Variants in ANXA5 observed in about 807,000 individuals in gnomAD.
ANXA5 encodes the protein CBP-I.
ANXA5 carries 40 observed loss-of-function variants against 48.1 expected under a neutral mutation model. The observed-to-expected ratio is 0.83, with a 90% CI of 0.65 to 1.08. The LOEUF (loss-of-function observed/expected upper bound fraction) is 1.08, where lower values mean the gene tolerates loss of function less well. Ranked by LOEUF, ANXA5 falls within the 50% of genes least tolerant of loss-of-function variation. ANXA5 has a pLI of 0.00. For synonymous variants in ANXA5, 113 were observed against 129.1 expected, an observed-to-expected ratio of 0.88 and a Z score of 0.85; for missense variants, 357 against 376.8, an observed-to-expected ratio of 0.95 and a Z score of 0.44.
At chr4:121,692,818 A>G (rs761417147) in intron 2 of ANXA5, among the ~76,000 whole-genome samples, 8 of 152,354 alleles carry the variant, frequency 5.3e-5, no homozygotes, top group Non-Finnish European at 1.2e-4. Context: ...CATCTATTAT[A>G]TCAATAAATC....
chr4:121,668,723 A>T (rs1724562523), intron 12 of ANXA5, among the ~76,000 whole-genome samples, 196 bp from the exon 13 acceptor site: 1 of 152,130 alleles, frequency 6.6e-6, no homozygotes, highest in Non-Finnish European at 1.5e-5. Flanking sequence ...TCCCTCTGGT[A>T]ACACAAAGAA....
At chr4:121,694,118 GGGAT>G (rs1725036299) in intron 2 of ANXA5, among the ~76,000 whole-genome samples, 5 of 104,452 alleles carry the variant, frequency 4.8e-5, no homozygotes, top group Admixed American at 2.0e-4. Context: ...GGAGGGGGGA[GGGAT>G]AGCATTAGGA....
intron 8 of ANXA5, among the ~76,000 whole-genome samples, chr4:121,673,976 G>A (rs1028293693): frequency 6.6e-6 from 1 of 151,684 alleles, no homozygotes; most frequent in African/African-American, 2.4e-5. Flanking sequence ...GAGCCCAGGA[G>A]TTCAAGACCA....
At chr4:121,687,631 T>C (rs922184203) in intron 2 of ANXA5, among the ~76,000 whole-genome samples, 1 of 152,156 alleles carries the variant, frequency 6.6e-6, no homozygotes, top group African/African-American at 2.4e-5. Flanking sequence ...ATAATACTAA[T>C]CAAATTTTAA....
intron 8 of ANXA5, among the ~76,000 whole-genome samples, chr4:121,674,426 A>G (rs1724664435): frequency 6.6e-6 from 1 of 152,170 alleles, no homozygotes; most frequent in South Asian, 2.1e-4. Flanking sequence ...TACTTCTGGT[A>G]TGTTTCTACA....
chr4:121,670,103 C>T (rs985357963), intron 10 of ANXA5, 91 bp from the exon 11 acceptor site: 3 of 887,706 alleles, frequency 3.4e-6, no homozygotes, highest in Non-Finnish European at 1.7e-6. Flanking sequence ...CTGCTTATAG[C>T]TCTACTTCTA....
chr4:121,686,044 T>TTA (rs1724883040), intron 3 of ANXA5, among the ~76,000 whole-genome samples: 1 of 151,396 alleles, frequency 6.6e-6, no homozygotes, highest in Non-Finnish European at 1.5e-5. Flanking sequence ...TTTTTTTTTT[T>TTA]AGCTCATCAG....
chr4:121,688,715 G>C (rs1030281153), intron 2 of ANXA5, among the ~76,000 whole-genome samples: 2 of 152,118 alleles, frequency 1.3e-5, no homozygotes, highest in African/African-American at 4.8e-5. Context: ...AAGTCAAGTG[G>C]TATGATCATG....
intron 2 of ANXA5, among the ~76,000 whole-genome samples, chr4:121,692,364 C>T (rs781503817): frequency 2.6e-5 from 4 of 152,190 alleles, no homozygotes; most frequent in Non-Finnish European, 4.4e-5. Flanking sequence ...CTTCCCTTGA[C>T]AAACACCAAT....
At position 121,684,691 on chromosome 4, in the gene ANXA5, T is replaced by G. The variant is rs370104706; in HGVS notation, c.175A>C (p.Thr59Pro). 2 of 1,613,616 alleles carry G rather than the reference T, an allele frequency of 1.2e-6. No homozygotes were observed. Among genetic ancestry groups the G allele is most frequent in the East Asian group, 4.5e-5 (2 of 44,888 alleles). The change falls in exon 4 of 13, where the codon ACT becomes CCT. Residue 59 changes from threonine to proline, a missense_variant. Thr to Pro is a conservative substitution (Grantham distance 38). Transcript: ENST00000296511. ...TGTGGTCTTACCCTGCCAAACAGAG[T>G]CTTAAAAGCTGCAGAGATTTCCTGG... ...QRQEISAAFK[T>P]LFGRDLLDDL...
At chr4:121,684,869 C>T (rs373696285) in intron 3 of ANXA5, 98 bp from the exon 4 acceptor site, 4 of 879,716 alleles carry the variant, frequency 4.5e-6, no homozygotes, top group South Asian at 1.4e-5. Context: ...TTCCTTGCCT[C>T]TCCCTATGCG....
At chr4:121,678,657 G>A (rs1724740956) in intron 6 of ANXA5, among the ~76,000 whole-genome samples, 163 bp from the exon 7 acceptor site, 1 of 152,160 alleles carries the variant, frequency 6.6e-6, no homozygotes, top group Non-Finnish European at 1.5e-5. Context: ...AATGCTTTCA[G>A]TGAGTGGTTG....
Position 121,693,934 on chromosome 4 carries a change from C to T in ANXA5, c.9+2647G>A, listed in dbSNP as rs114178296. 3.3e-3 allele frequency among the ~76,000 whole-genome samples: 502 copies of T among 152,292 alleles called. 2 individuals are homozygous for T. The highest frequency in any genetic ancestry group is 0.011 in the African/African-American group (477 of 41,554). On this transcript the variant is annotated intron_variant, in intron 2 of 12. Transcript: ENST00000296511. Reference sequence around the variant, plus strand: ...TTTATTTACATTTATCCTGCTTGCTCGGCACAGGGCTTTTTTAAATTATTA... The same window carrying T: ...TTTATTTACATTTATCCTGCTTGCTTGGCACAGGGCTTTTTTAAATTATTA...
intron 2 of ANXA5, 58 bp from the exon 3 acceptor site, chr4:121,686,430 AAC>A: frequency 7.7e-7 from 1 of 1,305,298 alleles, no homozygotes. Context: ...CAAAGTAAAT[AAC>A]ACAAACAGGA....
intron 6 of ANXA5, among the ~76,000 whole-genome samples, chr4:121,678,804 A>G (rs1024663637): frequency 4.6e-5 from 7 of 152,202 alleles, no homozygotes; most frequent in Non-Finnish European, 1.0e-4. Context: ...CCAAAACACA[A>G]TCAATCATAA....
At chr4:121,674,969 G>C (rs1395476852) in intron 8 of ANXA5, among the ~76,000 whole-genome samples, 2 of 152,158 alleles carry the variant, frequency 1.3e-5, no homozygotes, top group Non-Finnish European at 2.9e-5. Flanking sequence ...TTCAGCCTCA[G>C]TGTATATAGT....
intron 2 of ANXA5, 116 bp downstream of exon 2, chr4:121,696,465 A>C: frequency 2.0e-6 from 2 of 978,468 alleles, no homozygotes. Context: ...GATGTCCCCA[A>C]AGCAGGTTCC....
rs183575534 is a variant in ANXA5 at position 121,681,401 on chromosome 4, A to G, written c.394+270T>C. Reference sequence around the variant, plus strand: ...ATGTTAACATAAAGACAACCTGTATATCCCTACACTAATTGCAAATCCTAT... The same window carrying G: ...ATGTTAACATAAAGACAACCTGTATGTCCCTACACTAATTGCAAATCCTAT... On this transcript the variant is annotated intron_variant, in intron 6 of 12. Coordinates refer to ENST00000296511, the MANE Select transcript of ANXA5 (RefSeq NM_001154.4). 357 of 276,540 alleles carry G rather than the reference A, an allele frequency of 1.3e-3. 1 individual carries two copies. Among genetic ancestry groups the G allele is most frequent in the Non-Finnish European group, 2.8e-4 (41 of 148,760 alleles). 17.1% of individuals were successfully genotyped at this position (276,540 alleles called of 1,614,324 possible). A position where few individuals can be genotyped will look rare whatever the true frequency, so the allele number is the denominator to read the frequency against.
At chr4:121,694,116 G>GGT (rs1725035316) in intron 2 of ANXA5, among the ~76,000 whole-genome samples, 1 of 46,478 alleles carries the variant, frequency 2.2e-5, no homozygotes, top group Non-Finnish European at 4.3e-5. Flanking sequence ...GGGGAGGGGG[G>GGT]AGGGATAGCA....
Sources: gnomAD v4.1 joint callset for allele counts (sites outside exome capture counted in the v4.1 genomes callset) on GRCh38, gnomAD v4.1.1 for gene constraint, MANE v1.5 for transcripts, NCBI Gene and HGNC (gene_info 2026-07-23, HGNC 2026-07-21) for gene names.